The following RCAN2 variants were observed in gnomAD, a reference collection of about 807,000 sequenced individuals.
The protein encoded by RCAN2 is calcipressin-2.
In RCAN2, 9 loss-of-function variants were observed where a neutral mutation model predicts 23.6. The observed-to-expected ratio is 0.38, with a 90% confidence interval of 0.23 to 0.67. RCAN2 has a LOEUF of 0.67. Ranked by LOEUF, RCAN2 falls within the 30% of genes least tolerant of loss-of-function variation. The probability of loss-of-function intolerance (pLI) is 0.51; values close to 1 mark genes in which losing one functional copy is unlikely to be tolerated. For missense variants in RCAN2, 273 were observed against 302.3 expected (o/e 0.90, Z 0.72); for synonymous variants, 109 against 115.7 (o/e 0.94, Z 0.37).
intron 2 of RCAN2, among the ~76,000 whole-genome samples, chr6:46,256,533 T>C (rs894569982): frequency 6.6e-6 from 1 of 152,110 alleles, no homozygotes; most frequent in East Asian, 1.9e-4. Flanking sequence ...ATATGAACAT[T>C]TGTGGATGTT....
intron 2 of RCAN2, among the ~76,000 whole-genome samples, chr6:46,393,644 A>G (rs1765998963): frequency 6.6e-6 from 1 of 152,176 alleles, no homozygotes; most frequent in African/African-American, 2.4e-5. Context: ...ACTAGTTACC[A>G]AAAGGATGGT....
chr6:46,409,797 T>C (rs1196130025), intron 2 of RCAN2, among the ~76,000 whole-genome samples: 1 of 152,244 alleles, frequency 6.6e-6, no homozygotes, highest in African/African-American at 2.4e-5. Flanking sequence ...TATCGTGTGA[T>C]AGTTAATTTT....
intron 1 of RCAN2, among the ~76,000 whole-genome samples, chr6:46,479,561 C>T (rs941938939): frequency 2.0e-5 from 3 of 149,268 alleles, no homozygotes; most frequent in East Asian, 2.0e-4. Flanking sequence ...CACTACCTGC[C>T]GTGCAGTAGG....
At chr6:46,448,176 C>T (rs907874236) in intron 2 of RCAN2, among the ~76,000 whole-genome samples, 5 of 151,570 alleles carry the variant, frequency 3.3e-5, no homozygotes, top group Non-Finnish European at 7.4e-5. Context: ...CACAAGAATA[C>T]AAAAGATCAT....
At chr6:46,262,401 C>A (rs1042387526) in intron 2 of RCAN2, among the ~76,000 whole-genome samples, 3 of 152,068 alleles carry the variant, frequency 2.0e-5, no homozygotes, top group Admixed American at 6.6e-5. Flanking sequence ...TCTCCCTGGT[C>A]TCTGTCTGGC....
At position 46,491,372 on chromosome 6, in the gene RCAN2, C is replaced by G. The variant is rs1157051770; in HGVS notation, c.-202G>C. 6.6e-6 allele frequency: 1 copy of G among 152,040 alleles called. No individual in the cohort carries two copies. Among genetic ancestry groups the G allele is most frequent in the Non-Finnish European group, 1.5e-5 (1 of 68,132 alleles). The allele number at this position is 152,040 out of a possible 1,614,324, so 9.4% of individuals were successfully genotyped here. A position where few individuals can be genotyped will look rare whatever the true frequency, so the allele number is the denominator to read the frequency against. On this transcript the variant is annotated 5_prime_UTR_variant, in exon 1 of 5. Coordinates refer to ENST00000371374, the MANE Select transcript of RCAN2 (RefSeq NM_001251974.2). ...CGCCCCGCCTCCCTCTCTCTGCCGC[C>G]GTGGGTCAGTGGGATTCTGCCTGCT...
At chr6:46,477,928 C>T (rs1768759075) in intron 1 of RCAN2, among the ~76,000 whole-genome samples, 1 of 152,096 alleles carries the variant, frequency 6.6e-6, no homozygotes, top group African/African-American at 2.4e-5. Context: ...CTTAAGGATG[C>T]CCTGAAAAGC....
intron 1 of RCAN2, chr6:46,468,932 G>T: frequency 1.3e-6 from 1 of 781,212 alleles, no homozygotes; most frequent in Non-Finnish European, 1.6e-6. Context: ...AGCACAATTT[G>T]CTCTTGATCT....
chr6:46,234,274 C>T (rs1239557850), intron 4 of RCAN2, among the ~76,000 whole-genome samples: 1 of 152,298 alleles, frequency 6.6e-6, no homozygotes, highest in South Asian at 2.1e-4. Flanking sequence ...TTCTTACTAT[C>T]GAAAGCCAGC....
intron 1 of RCAN2, among the ~76,000 whole-genome samples, chr6:46,486,533 A>G (rs1351250454): frequency 6.6e-6 from 1 of 152,214 alleles, no homozygotes; most frequent in Non-Finnish European, 1.5e-5. Context: ...AGAAATTATA[A>G]TATTTTGGAA....
At chr6:46,231,155 C>T (rs1025228822) in intron 4 of RCAN2, among the ~76,000 whole-genome samples, 3 of 152,124 alleles carry the variant, frequency 2.0e-5, no homozygotes, top group African/African-American at 7.2e-5. Context: ...AGGGTGGGCT[C>T]TACATCAATA....
intron 2 of RCAN2, among the ~76,000 whole-genome samples, chr6:46,403,188 A>G (rs576650648): frequency 1.3e-5 from 2 of 152,090 alleles, no homozygotes; most frequent in East Asian, 2.0e-4. Flanking sequence ...GATGGTCTCA[A>G]TCTCCTGACC....
At chr6:46,297,405 C>A (rs895596633) in intron 2 of RCAN2, among the ~76,000 whole-genome samples, 1 of 152,094 alleles carries the variant, frequency 6.6e-6, no homozygotes. Flanking sequence ...TACCACCAAG[C>A]TTTTCCTGAA....
Position 46,265,600 on chromosome 6 carries a change from T to C in RCAN2, c.226-16704A>G, listed in dbSNP as rs529003026. ...TATGTAGTCACCAACTGGTTGGTCC[T>C]CTGAGTTAGTAATTCTGAAACCATG... On this transcript the variant is annotated intron_variant, in intron 2 of 4. Transcript: ENST00000371374. Among the ~76,000 whole-genome samples the C allele has an allele frequency of 3.9e-5, 6 of 152,278 alleles. 1 individual carries two copies. The South Asian group carries it at 1.2e-3, about 32-fold the overall frequency.
Position 46,220,994 on chromosome 6 carries a change from C to T in RCAN2, c.*2147G>A, listed in dbSNP as rs1765458219. 1 of 152,476 alleles carries T rather than the reference C, an allele frequency of 6.6e-6. No individual in the cohort carries two copies. Among genetic ancestry groups the T allele is most frequent in the African/African-American group, 2.4e-5 (1 of 41,388 alleles). 9.4% of individuals were successfully genotyped at this position (152,476 alleles called of 1,614,324 possible). On this transcript the variant is annotated 3_prime_UTR_variant, in exon 5 of 5. Transcript: ENST00000371374. ...CTCCTAGGAAAAGCCCCTCTTTTCC[C>T]CCCTCCCCAAACCCAACCTAGTGAA... is the stretch of plus-strand genomic sequence containing the variant.
chr6:46,232,812 G>C (rs76741463), intron 4 of RCAN2, among the ~76,000 whole-genome samples: 1 of 81,050 alleles, frequency 1.2e-5, no homozygotes, highest in African/African-American at 4.1e-5. Context: ...AAAAAAAAAA[G>C]AGTTTACCAG....
chr6:46,486,880 C>T (rs1380076883), intron 1 of RCAN2, among the ~76,000 whole-genome samples: 1 of 152,204 alleles, frequency 6.6e-6, no homozygotes. Flanking sequence ...TTCATGGTCA[C>T]TCACTTTATC....
chr6:46,338,928 T>C (rs1199726347), intron 2 of RCAN2, among the ~76,000 whole-genome samples: 1 of 130,854 alleles, frequency 7.6e-6, no homozygotes, highest in Non-Finnish European at 1.7e-5. Context: ...GGCAGGAGAA[T>C]TGCTTGAACC....
chr6:46,483,123 T>C (rs935317428), intron 1 of RCAN2, among the ~76,000 whole-genome samples: 2 of 152,204 alleles, frequency 1.3e-5, no homozygotes, highest in South Asian at 2.1e-4. Context: ...ATGTAAGCTA[T>C]CGAAAATTAC....
Sources: gnomAD v4.1 joint callset for allele counts (sites outside exome capture counted in the v4.1 genomes callset) on GRCh38, gnomAD v4.1.1 for gene constraint, MANE v1.5 for transcripts, NCBI Gene and HGNC (gene_info 2026-07-23, HGNC 2026-07-21) for gene names.